LPIN2: variants seen among roughly 807,000 people sequenced by gnomAD.
LPIN2 encodes phosphatidate phosphatase LPIN2.
LPIN2 carries 55 observed loss-of-function variants against 111.4 expected under a neutral mutation model. The ratio of observed to expected loss-of-function variants is 0.49; its 90% CI spans 0.40 to 0.62. LPIN2 has a LOEUF of 0.62. Among genes scored for constraint, LPIN2 ranks in the 20% least tolerant of loss-of-function variants. The probability of loss-of-function intolerance (pLI) is 0.00; values close to 1 mark genes in which losing one functional copy is unlikely to be tolerated. For missense variants in LPIN2, 992 were observed against 1,112.1 expected (o/e 0.89, Z 1.54); for synonymous variants, 425 against 414.0 (o/e 1.03, Z -0.32).
chr18:2,934,945 C>G (rs1386988884), intron 7 of LPIN2, among the ~76,000 whole-genome samples: 2 of 152,206 alleles, frequency 1.3e-5, no homozygotes, highest in African/African-American at 4.8e-5. Context: ...CAGATAACAT[C>G]TTAAACAATA....
At chr18:2,993,874 T>C (rs2078302790) in intron 1 of LPIN2, among the ~76,000 whole-genome samples, 1 of 152,208 alleles carries the variant, frequency 6.6e-6, no homozygotes, top group African/African-American at 2.4e-5. Flanking sequence ...CATACATGTA[T>C]ACCGACACAA....
intron 4 of LPIN2, chr18:2,950,396 T>C (rs1383363442): frequency 1.3e-5 from 2 of 152,688 alleles, no homozygotes; most frequent in African/African-American, 2.4e-5. Context: ...GGGCCACTCA[T>C]GGGCAGCAGC....
chr18:2,960,860 CA>C lies in LPIN2; in HGVS notation c.-9-12del. ...ATTCATGGTTTGAGACTACAAGAAACAAAAATTAGATGAGATGTTAACACTA... is the reference window on the plus strand; with the variant it reads ...ATTCATGGTTTGAGACTACAAGAAACAAAATTAGATGAGATGTTAACACTA... On this transcript the variant is annotated splice_polypyrimidine_tract_variant and intron_variant, in intron 1 of 19. Transcript: ENST00000677752. 6.2e-7 allele frequency: 1 copy of C among 1,607,678 alleles called. No homozygotes were observed. Among genetic ancestry groups the C allele is most frequent in the Non-Finnish European group, 8.5e-7 (1 of 1,175,994 alleles).
In LPIN2 at chr18:2,925,728, G is replaced by A. The variant is rs1355360284; in HGVS notation, c.1794-360C>T. ...TACAATGATTTAACAAACTCCGGCT[G>A]GGTGCGGTGCCTCACACCTGTAATC... On this transcript the variant is annotated intron_variant, in intron 13 of 19. Coordinates refer to ENST00000677752, the MANE Select transcript of LPIN2 (RefSeq NM_001375808.2). This position sits in a 1 kb window ranked among gnomAD's most constrained non-coding sequence, Gnocchi z 4.1. Among the ~76,000 whole-genome samples the A allele has an allele frequency of 6.6e-6, 1 of 152,224 alleles. No individual in the cohort carries two copies. The highest frequency in any genetic ancestry group is 2.4e-5 in the African/African-American group (1 of 41,462).
chr18:2,920,299 C>A lies in LPIN2; in HGVS notation c.2685G>T (p.Leu895=). 1 of 1,614,160 alleles carries A rather than the reference C, an allele frequency of 6.2e-7. No homozygotes were observed. Among genetic ancestry groups the A allele is most frequent in the Non-Finnish European group, 8.5e-7 (1 of 1,180,046 alleles). The change falls in exon 20 of 20, where the codon CTG becomes CTT. Residue 895 remains leucine, a synonymous_variant. Coordinates refer to ENST00000677752, the MANE Select transcript of LPIN2 (RefSeq NM_001375808.2). ...CACCCACTGAGGTGCCGCCTCAAGA[C>A]AGGTCATCCAGGTCCACTTCAGGGA... is the stretch of plus-strand genomic sequence containing the variant. The part of the protein sequence containing the change: ...DPIPEVDLDD[L]S
At chr18:2,963,570 G>A (rs957824329) in intron 1 of LPIN2, among the ~76,000 whole-genome samples, 1 of 151,998 alleles carries the variant, frequency 6.6e-6, no homozygotes, top group African/African-American at 2.4e-5. Context: ...ATAAATAATG[G>A]AGAGTGACAG....
intron 1 of LPIN2, among the ~76,000 whole-genome samples, chr18:2,984,598 T>C (rs1024394672): frequency 6.6e-6 from 1 of 150,812 alleles, no homozygotes; most frequent in South Asian, 2.1e-4. Flanking sequence ...AAAAGAAAAG[T>C]TAGAGGGGCA....
At chr18:2,986,011 T>C (rs1782000662) in intron 1 of LPIN2, among the ~76,000 whole-genome samples, 2 of 152,226 alleles carry the variant, frequency 1.3e-5, no homozygotes, top group African/African-American at 4.8e-5. Context: ...AGACTCCTCA[T>C]GACAAAGGGA....
At chr18:3,012,049 G>C (rs537910137) in intron 1 of LPIN2, 1 of 152,130 alleles carries the variant, frequency 6.6e-6, no homozygotes, top group African/African-American at 2.4e-5. Flanking sequence ...TTTCAAAACC[G>C]ACTTTGTATT....
chr18:2,924,375 C>G (rs1216955823), intron 15 of LPIN2, 23 bp downstream of exon 15: 3 of 1,614,014 alleles, frequency 1.9e-6, no homozygotes, highest in Non-Finnish European at 2.5e-6. Flanking sequence ...TTCCTTGCCA[C>G]CCACCTGAAG....
chr18:2,956,493 T>A (rs2077619926), intron 2 of LPIN2, among the ~76,000 whole-genome samples: 1 of 152,188 alleles, frequency 6.6e-6, no homozygotes, highest in South Asian at 2.1e-4. Flanking sequence ...GTAAAATAAT[T>A]AATGCCAGAG....
At chr18:3,003,750 T>C (rs2078468850) in intron 1 of LPIN2, among the ~76,000 whole-genome samples, 5 of 152,206 alleles carry the variant, frequency 3.3e-5, no homozygotes, top group Admixed American at 6.5e-5. Context: ...GTTTGAACAA[T>C]ATGAAATCAC....
intron 1 of LPIN2, among the ~76,000 whole-genome samples, chr18:2,987,746 C>G (rs910462179): frequency 6.6e-6 from 1 of 152,110 alleles, no homozygotes; most frequent in Admixed American, 6.5e-5. Flanking sequence ...CTTCTTCCTG[C>G]CACCTTCTTC....
chr18:3,009,564 G>C (rs1200421225), intron 1 of LPIN2, among the ~76,000 whole-genome samples: 2 of 151,734 alleles, frequency 1.3e-5, no homozygotes, highest in African/African-American at 4.8e-5. Flanking sequence ...TCAGCCTCCA[G>C]AGTAGCTGGG....
chr18:2,928,003 C>CACAGCTCTGTG lies in LPIN2; in HGVS notation c.1621-203_1621-193dup, dbSNP rs111745076. On this transcript the variant is annotated intron_variant, in intron 11 of 19. Coordinates refer to ENST00000677752, the MANE Select transcript of LPIN2 (RefSeq NM_001375808.2). ...AGACCCCGTCCTGCTTTCATGGCAGCACAGCTCTGTGGCATGAGACCAGGC... is the reference window on the plus strand; with the variant it reads ...AGACCCCGTCCTGCTTTCATGGCAGCACAGCTCTGTGACAGCTCTGTGGCATGAGACCAGGC... 5.0e-3 allele frequency among the ~76,000 whole-genome samples: 765 copies of CACAGCTCTGTG among 152,342 alleles called. 8 individuals carry two copies. The highest frequency in any genetic ancestry group is 0.017 in the African/African-American group (721 of 41,578).
intron 8 of LPIN2, 68 bp from the exon 9 acceptor site, chr18:2,931,511 G>A (rs570445082): frequency 3.7e-5 from 55 of 1,469,788 alleles, no homozygotes; most frequent in Non-Finnish European, 4.9e-5. Flanking sequence ...TTACTGCATG[G>A]TTCTCTGGGG....
intron 8 of LPIN2, among the ~76,000 whole-genome samples, chr18:2,933,547 T>C (rs888902430): frequency 6.6e-6 from 1 of 152,222 alleles, no homozygotes; most frequent in Non-Finnish European, 1.5e-5. Context: ...TTTCCCAAAA[T>C]ACCTGTAAAA....
At chr18:2,997,419 A>G (rs1403583846) in intron 1 of LPIN2, among the ~76,000 whole-genome samples, 2 of 48,866 alleles carry the variant, frequency 4.1e-5, no homozygotes, top group East Asian at 9.5e-4. Flanking sequence ...GAGCCACTGC[A>G]CCTGGCAGAG....
rs150100882 is a variant in LPIN2, at chr18:2,943,709, A to G, written c.591-2997T>C. ...CATGGAATATAACTTGAAAAATTTT[A>G]AATACATCTCCCAGTATCAGATGTT... is the stretch of plus-strand genomic sequence containing the variant. On this transcript the variant is annotated intron_variant, in intron 4 of 19. Coordinates refer to ENST00000677752, the MANE Select transcript of LPIN2 (RefSeq NM_001375808.2). Among the ~76,000 whole-genome samples, 478 of 152,310 alleles carry G rather than the reference A, an allele frequency of 3.1e-3. 7 individuals are homozygous for G. Among genetic ancestry groups the G allele is most frequent in the Middle Eastern group, 0.017 (5 of 294 alleles).
Sources: gnomAD v4.1 joint callset for allele counts (sites outside exome capture counted in the v4.1 genomes callset) on GRCh38, gnomAD v4.1.1 for gene constraint, Gnocchi (gnomAD v3.1) non-coding constraint, MANE v1.5 for transcripts, NCBI Gene and HGNC (gene_info 2026-07-23, HGNC 2026-07-21) for gene names.